Variants in TMEM163 observed in about 807,000 individuals in gnomAD.
The protein encoded by TMEM163 is transmembrane protein 163.
TMEM163 carries 17 observed loss-of-function variants against 29.3 expected under a neutral mutation model. The ratio of observed to expected loss-of-function variants is 0.58; its 90% CI spans 0.40 to 0.87. The LOEUF (loss-of-function observed/expected upper bound fraction) is 0.87, where lower values mean the gene tolerates loss of function less well. Among genes scored for constraint, TMEM163 ranks in the 40% least tolerant of loss-of-function variants. TMEM163 has a pLI of 0.00. For synonymous variants in TMEM163, 157 were observed against 160.6 expected, an observed-to-expected ratio of 0.98 and a Z score of 0.17; for missense variants, 303 against 381.5, an observed-to-expected ratio of 0.79 and a Z score of 1.71.
chr2:134,456,474 A>C lies in TMEM163; in HGVS notation c.*242T>G, dbSNP rs1686397314. 2 of 532,334 alleles carry C rather than the reference A, an allele frequency of 3.8e-6. No homozygotes were observed. Among genetic ancestry groups the C allele is most frequent in the Non-Finnish European group, 3.4e-6 (1 of 296,590 alleles). The allele number at this position is 532,334 out of a possible 1,614,324, so 33.0% of individuals were successfully genotyped here. A position where few individuals can be genotyped will look rare whatever the true frequency, so the allele number is the denominator to read the frequency against. ...CATACTCCAGAGACTAAAAAACGCC[A>C]GTCCCAGCTGGAGACGGGGAAGGAG... On this transcript the variant is annotated 3_prime_UTR_variant, in exon 8 of 8. Coordinates refer to ENST00000281924, the MANE Select transcript of TMEM163 (RefSeq NM_030923.5).
chr2:134,705,997 C>T (rs567694278), intron 2 of TMEM163, among the ~76,000 whole-genome samples: 7 of 152,274 alleles, frequency 4.6e-5, no homozygotes, highest in African/African-American at 1.2e-4. Context: ...ACCCTGGCCA[C>T]GCTTCCAATT....
Position 134,619,403 on chromosome 2 carries a change from C to T in TMEM163, c.323-67312G>A, listed in dbSNP as rs191407283. On this transcript the variant is annotated intron_variant, in intron 2 of 7. Transcript: ENST00000281924. Reference sequence around the variant, plus strand: ...AGCAACATATAAACAGGATTATACACGACGAGTAAAAGAGATTTAGCACAG... The same window carrying T: ...AGCAACATATAAACAGGATTATACATGACGAGTAAAAGAGATTTAGCACAG... 4.0e-4 allele frequency among the ~76,000 whole-genome samples: 61 copies of T among 152,192 alleles called. 1 individual carries two copies. Among genetic ancestry groups the T allele is most frequent in the Admixed American group, 3.5e-3 (53 of 15,288 alleles).
Position 134,713,260 on chromosome 2 carries a change from C to A in TMEM163, c.262G>T (p.Ala88Ser). The change falls in exon 2 of 8, where the codon GCA becomes TCA. Residue 88 changes from alanine (A) to serine (S), a missense_variant. Ala to Ser is a moderately conservative substitution (Grantham distance 99). Around this residue, in one of 2 missense-constraint regions of TMEM163, gnomAD observed 203 missense variants for 294.3 expected, o/e 0.69. Transcript: ENST00000281924. ...PHEAQNYRKK[A>S]LWVSWFSIIV... ...ATGGAGAACCAGGACACCCACAATG[C>A]CTTCTTCCTGTAGTTCTGGGCTTCG... 6.2e-7 allele frequency: 1 copy of A among 1,614,134 alleles called. No individual in the cohort carries two copies. Among genetic ancestry groups the A allele is most frequent in the Non-Finnish European group, 8.5e-7 (1 of 1,180,018 alleles).
chr2:134,695,983 G>A (rs1016541452), intron 2 of TMEM163, among the ~76,000 whole-genome samples: 3 of 151,498 alleles, frequency 2.0e-5, no homozygotes, highest in South Asian at 2.1e-4. Flanking sequence ...CCTAGGAGGC[G>A]GAGGTTGCAG....
intron 2 of TMEM163, among the ~76,000 whole-genome samples, chr2:134,673,444 A>G (rs186235773): frequency 6.6e-6 from 1 of 152,298 alleles, no homozygotes; most frequent in Admixed American, 6.5e-5. Context: ...CCTAGGACCT[A>G]CAGCTAGGTC....
At chr2:134,520,031 A>G (rs2106494647) in intron 4 of TMEM163, among the ~76,000 whole-genome samples, 1 of 152,328 alleles carries the variant, frequency 6.6e-6, no homozygotes, top group South Asian at 2.1e-4. Context: ...CTGAGCTCTC[A>G]TGCCAACATA....
At chr2:134,613,477 A>G (rs1226285386) in intron 2 of TMEM163, among the ~76,000 whole-genome samples, 1 of 152,214 alleles carries the variant, frequency 6.6e-6, no homozygotes, top group African/African-American at 2.4e-5. Flanking sequence ...AAATACTGAA[A>G]GCCAAAAACA....
chr2:134,698,478 C>T (rs1367716394), intron 2 of TMEM163, among the ~76,000 whole-genome samples: 1 of 152,116 alleles, frequency 6.6e-6, no homozygotes, highest in Non-Finnish European at 1.5e-5. Context: ...TTCAATCTTA[C>T]CAGAGTTAAG....
chr2:134,616,170 C>T (rs995101414), intron 2 of TMEM163, among the ~76,000 whole-genome samples: 4 of 152,184 alleles, frequency 2.6e-5, no homozygotes, highest in South Asian at 2.1e-4. Flanking sequence ...AGATGCTCAA[C>T]GTATTTTGCT....
intron 2 of TMEM163, among the ~76,000 whole-genome samples, chr2:134,688,511 T>A (rs1684392951): frequency 6.6e-6 from 1 of 152,220 alleles, no homozygotes; most frequent in Non-Finnish European, 1.5e-5. Flanking sequence ...CCGGGGAATA[T>A]ATTAATCTTC....
intron 5 of TMEM163, among the ~76,000 whole-genome samples, chr2:134,502,276 A>G (rs1393784948): frequency 1.3e-5 from 2 of 152,150 alleles, no homozygotes; most frequent in Admixed American, 1.3e-4. Context: ...CCTGGTAACC[A>G]CATCAGCTGC....
chr2:134,504,091 G>A lies in TMEM163; in HGVS notation c.459-1094C>T, dbSNP rs541542756. Among the ~76,000 whole-genome samples, 26 of 152,220 alleles carry A rather than the reference G, an allele frequency of 1.7e-4. 1 individual carries two copies. Among genetic ancestry groups the A allele is most frequent in the South Asian group, 6.2e-4 (3 of 4,814 alleles). ...ACAAAATCACGTTTTATTATCCACC[G>A]TGGAGTCCCTTCTCTAGAGTAACAG... On this transcript the variant is annotated intron_variant, in intron 4 of 7. Transcript: ENST00000281924.
rs150174807 is a variant in TMEM163 at position 134,478,938 on chromosome 2, C to T, written c.556-12713G>A. On this transcript the variant is annotated intron_variant, in intron 5 of 7. Coordinates refer to ENST00000281924, the MANE Select transcript of TMEM163 (RefSeq NM_030923.5). ...TGCCTTATGCAGCCTTGGGATACTGCTCCCCTCATCCTGGGGTGGAAGGGG... is the reference window on the plus strand; with the variant it reads ...TGCCTTATGCAGCCTTGGGATACTGTTCCCCTCATCCTGGGGTGGAAGGGG... Among the ~76,000 whole-genome samples, 28 of 152,334 alleles carry T rather than the reference C, an allele frequency of 1.8e-4. No homozygotes were observed. The East Asian group carries it at 5.0e-3, about 27-fold the overall frequency.
Position 134,585,938 on chromosome 2 carries a change from T to C in TMEM163, c.323-33847A>G, listed in dbSNP as rs115097472. Reference sequence around the variant, plus strand: ...CCAACATTTTAGTATAAATGCCTTATAGTATATGTTCCTCCCAGGGAAGAT... The same window carrying C: ...CCAACATTTTAGTATAAATGCCTTACAGTATATGTTCCTCCCAGGGAAGAT... On this transcript the variant is annotated intron_variant, in intron 2 of 7. Transcript: ENST00000281924. Among the ~76,000 whole-genome samples the C allele has an allele frequency of 6.4e-3, 977 of 152,304 alleles. 16 individuals carry two copies. Among genetic ancestry groups the C allele is most frequent in the African/African-American group, 0.023 (940 of 41,572 alleles).
At chr2:134,518,570 C>T (rs1232524688) in intron 4 of TMEM163, among the ~76,000 whole-genome samples, 3 of 152,164 alleles carry the variant, frequency 2.0e-5, no homozygotes, top group South Asian at 2.1e-4. Flanking sequence ...TTTAACCACT[C>T]GGGGTCGCGT....
At chr2:134,702,874 G>GC (rs1319073972) in intron 2 of TMEM163, among the ~76,000 whole-genome samples, 1 of 152,122 alleles carries the variant, frequency 6.6e-6, no homozygotes, top group Non-Finnish European at 1.5e-5. Flanking sequence ...GGATAAAACA[G>GC]CCCCCACCAC....
chr2:134,599,173 T>C (rs951154649), intron 2 of TMEM163, among the ~76,000 whole-genome samples: 1 of 152,082 alleles, frequency 6.6e-6, no homozygotes, highest in Non-Finnish European at 1.5e-5. Flanking sequence ...CAAACTGGAA[T>C]TGGAGGCTAC....
At chr2:134,700,473 G>C (rs1684675243) in intron 2 of TMEM163, among the ~76,000 whole-genome samples, 1 of 152,164 alleles carries the variant, frequency 6.6e-6, no homozygotes, top group African/African-American at 2.4e-5. Context: ...ATTGGTTTCT[G>C]ATTCACATAC....
chr2:134,576,644 GTC>G (rs1015405332), intron 2 of TMEM163, among the ~76,000 whole-genome samples: 1 of 152,174 alleles, frequency 6.6e-6, no homozygotes, highest in Non-Finnish European at 1.5e-5. Flanking sequence ...CCTCTCCTGA[GTC>G]TCTGTTACAA....
Sources: gnomAD v4.1 joint callset for allele counts (sites outside exome capture counted in the v4.1 genomes callset) on GRCh38, gnomAD v4.1.1 for gene constraint, gnomAD v4.1.1 regional missense constraint, MANE v1.5 for transcripts, NCBI Gene and HGNC (gene_info 2026-07-23, HGNC 2026-07-21) for gene names.